TTLL11: variants seen among roughly 807,000 people sequenced by gnomAD.
TTLL11 encodes the protein tubulin tyrosine ligase like 11.
TTLL11 carries 42 observed loss-of-function variants against 51.7 expected under a neutral mutation model. The observed-to-expected ratio is 0.81, with a 90% CI of 0.64 to 1.05. The LOEUF (loss-of-function observed/expected upper bound fraction) is 1.05, where lower values mean the gene tolerates loss of function less well. Ranked by LOEUF, TTLL11 falls within the 50% of genes least tolerant of loss-of-function variation. The probability of loss-of-function intolerance (pLI) is 0.00; values close to 1 mark genes in which losing one functional copy is unlikely to be tolerated. For missense variants in TTLL11, 799 were observed against 940.4 expected, an observed-to-expected ratio of 0.85 and a Z score of 1.97; for synonymous variants, 381 against 383.5, an observed-to-expected ratio of 0.99 and a Z score of 0.08.
At chr9:122,091,021 T>A (rs910814186) in intron 1 of TTLL11, among the ~76,000 whole-genome samples, 2 of 152,164 alleles carry the variant, frequency 1.3e-5, no homozygotes, top group African/African-American at 4.8e-5. Context: ...ACATCTTAAG[T>A]ATGTTTGGTT....
At chr9:121,894,365 G>A (rs1350683896) in intron 6 of TTLL11, among the ~76,000 whole-genome samples, 3 of 152,162 alleles carry the variant, frequency 2.0e-5, no homozygotes, top group Non-Finnish European at 4.4e-5. Context: ...AACCAGAAAT[G>A]CCATTTGATC....
intron 8 of TTLL11, among the ~76,000 whole-genome samples, chr9:121,850,723 A>T (rs554617390): frequency 6.6e-6 from 1 of 152,264 alleles, no homozygotes; most frequent in South Asian, 2.1e-4. Flanking sequence ...CTATGGAAAC[A>T]CTGTCACAGA....
In TTLL11 at chr9:121,965,713, C is replaced by G. The variant is rs114188455; in HGVS notation, c.1481+8296G>C. On this transcript the variant is annotated intron_variant, in intron 6 of 8. Transcript: ENST00000321582. ...TCAGAAAGATCATGTTCTGTGCTTACGACAGCATGCTTAGTTTAGATAGTT... is the reference window on the plus strand; with the variant it reads ...TCAGAAAGATCATGTTCTGTGCTTAGGACAGCATGCTTAGTTTAGATAGTT... Among the ~76,000 whole-genome samples the G allele has an allele frequency of 6.1e-3, 927 of 152,300 alleles. 6 individuals carry two copies. Among genetic ancestry groups the G allele is most frequent in the African/African-American group, 0.021 (879 of 41,556 alleles).
At chr9:121,897,285 G>A (rs1309369157) in intron 6 of TTLL11, among the ~76,000 whole-genome samples, 1 of 152,212 alleles carries the variant, frequency 6.6e-6, no homozygotes, top group Admixed American at 6.5e-5. Context: ...CAGGACACAG[G>A]CCCAGAGAGG....
chr9:121,817,422 A>G lies in TTLL11; in HGVS notation c.*5165T>C, dbSNP rs1032486719. 1 of 152,242 alleles carries G rather than the reference A, an allele frequency of 6.6e-6. No individual in the cohort carries two copies. Among genetic ancestry groups the G allele is most frequent in the Admixed American group, 6.5e-5 (1 of 15,286 alleles). 9.4% of individuals were successfully genotyped at this position (152,242 alleles called of 1,614,324 possible). On this transcript the variant is annotated 3_prime_UTR_variant, in exon 9 of 9. Transcript: ENST00000321582. The stretch of plus-strand genomic sequence containing the variant: ...TAGGAAGCCAGTAGCCAGGCTGAAG[A>G]TAACACTACGTTTGAGCAGCGCCTT...
At chr9:121,975,580 CG>C (rs1842686487) in intron 4 of TTLL11, among the ~76,000 whole-genome samples, 3 of 152,042 alleles carry the variant, frequency 2.0e-5, no homozygotes, top group African/African-American at 4.8e-5. Context: ...GGTGTCGTGG[CG>C]CGAATCTGTA....
intron 1 of TTLL11, 124 bp from the exon 2 acceptor site, chr9:122,039,492 A>G (rs1844786006): frequency 4.6e-6 from 3 of 649,912 alleles, no homozygotes; most frequent in Non-Finnish European, 5.3e-6. Context: ...TATAATACGC[A>G]TATGAGGTAA....
At chr9:121,935,921 G>A (rs1032013762) in intron 6 of TTLL11, among the ~76,000 whole-genome samples, 1 of 152,138 alleles carries the variant, frequency 6.6e-6, no homozygotes, top group African/African-American at 2.4e-5. Context: ...GCACAGCCCC[G>A]ACAGGTCTCC....
Position 121,821,196 on chromosome 9 carries a change from C to A in TTLL11, c.*1391G>T, listed in dbSNP as rs1337151959. Among the ~76,000 whole-genome samples, 2 of 152,038 alleles carry A rather than the reference C, an allele frequency of 1.3e-5. No homozygotes were observed. The highest frequency in any genetic ancestry group is 4.8e-5 in the African/African-American group (2 of 41,404). ...CCTGTTATGAACCAGGTCAACTGCT[C>A]TTATCAGTTTGGGTCAGGAGTCAGG... On this transcript the variant is annotated 3_prime_UTR_variant, in exon 9 of 9. Transcript: ENST00000321582. This position sits in a 1 kb window ranked among gnomAD's most constrained non-coding sequence, Gnocchi z 5.0.
At chr9:122,013,028 A>G (rs917683882) in intron 3 of TTLL11, among the ~76,000 whole-genome samples, 7 of 152,148 alleles carry the variant, frequency 4.6e-5, no homozygotes, top group Admixed American at 2.6e-4. Context: ...CCAGTTCCTC[A>G]AGGGACCCCC....
chr9:122,043,411 T>C (rs1020236693), intron 1 of TTLL11, among the ~76,000 whole-genome samples: 5 of 152,100 alleles, frequency 3.3e-5, no homozygotes, highest in Non-Finnish European at 5.9e-5. Context: ...TTTCAACAAG[T>C]GGTGCTGGGA....
At chr9:121,986,930 A>C (rs767560544) in intron 4 of TTLL11, among the ~76,000 whole-genome samples, 7 of 152,028 alleles carry the variant, frequency 4.6e-5, no homozygotes, top group South Asian at 2.1e-4. Flanking sequence ...TTCACAATGG[A>C]ATCTATAACA....
chr9:121,900,287 C>T (rs1839722910), intron 6 of TTLL11, among the ~76,000 whole-genome samples: 1 of 152,244 alleles, frequency 6.6e-6, no homozygotes, highest in South Asian at 2.1e-4. Flanking sequence ...GTTATTTTCT[C>T]TGAGCACTCA....
At chr9:121,964,664 C>A (rs1564330127) in intron 6 of TTLL11, among the ~76,000 whole-genome samples, 1 of 152,122 alleles carries the variant, frequency 6.6e-6, no homozygotes, top group African/African-American at 2.4e-5. Context: ...CCACCTTCCT[C>A]TCTCCTAATA....
At chr9:121,935,203 C>T (rs543292422) in intron 6 of TTLL11, among the ~76,000 whole-genome samples, 96 of 152,070 alleles carry the variant, frequency 6.3e-4, no homozygotes, top group African/African-American at 2.1e-3. Flanking sequence ...TTGATCCGCC[C>T]GCCTCGGCCT....
chr9:121,933,688 C>CA (rs1236284327), intron 6 of TTLL11, among the ~76,000 whole-genome samples: 16 of 151,602 alleles, frequency 1.1e-4, no homozygotes, highest in South Asian at 4.1e-4. Context: ...TCCAAAACAA[C>CA]AAAAAAAGTT....
chr9:121,958,411 A>T (rs1313075526), intron 6 of TTLL11, among the ~76,000 whole-genome samples: 1 of 152,172 alleles, frequency 6.6e-6, no homozygotes, highest in Non-Finnish European at 1.5e-5. Context: ...ACCACCTTCA[A>T]GTAAAAATGG....
chr9:121,892,023 T>G (rs1479886363), intron 6 of TTLL11, among the ~76,000 whole-genome samples: 1 of 137,268 alleles, frequency 7.3e-6, no homozygotes, highest in African/African-American at 2.6e-5. Context: ...AACCTATATA[T>G]AGGTTTTATA....
chr9:121,833,342 G>A (rs1253449202), intron 8 of TTLL11, among the ~76,000 whole-genome samples: 6 of 152,132 alleles, frequency 3.9e-5, no homozygotes, highest in Non-Finnish European at 7.3e-5. Flanking sequence ...GGTGAGGATG[G>A]CCCACCAGCT....
Sources: gnomAD v4.1 joint callset for allele counts (sites outside exome capture counted in the v4.1 genomes callset) on GRCh38, gnomAD v4.1.1 for gene constraint, Gnocchi (gnomAD v3.1) non-coding constraint, MANE v1.5 for transcripts, NCBI Gene and HGNC (gene_info 2026-07-23, HGNC 2026-07-21) for gene names.